Variants in JMJD1C observed in about 807,000 individuals in gnomAD.
The protein encoded by JMJD1C is jumonji domain-containing protein 1C.
Under a neutral mutation model 245.3 loss-of-function variants are expected in JMJD1C, and 31 were observed. The ratio of observed to expected loss-of-function variants is 0.13; its 90% CI spans 0.09 to 0.17. JMJD1C has a LOEUF of 0.17. Among genes scored for constraint, JMJD1C ranks in the 10% least tolerant of loss-of-function variants. The pLI is 1.00. For missense variants in JMJD1C, 2,691 were observed against 3,000.2 expected (o/e 0.90, Z 2.41); for synonymous variants, 1,057 against 1,017.4 (o/e 1.04, Z -0.74).
At chr10:63,222,702 C>T in intron 3 of JMJD1C, 6 of 1,537,874 alleles carry the variant, frequency 3.9e-6, no homozygotes, top group Non-Finnish European at 5.4e-6. Context: ...AAAGAAGCAG[C>T]AGCTGCTTTG....
chr10:63,359,853 C>A (rs1001871405), intron 2 of JMJD1C, among the ~76,000 whole-genome samples: 1 of 151,858 alleles, frequency 6.6e-6, no homozygotes, highest in South Asian at 2.1e-4. Flanking sequence ...CATATGGTAA[C>A]CCGGTACTTT....
intron 2 of JMJD1C, among the ~76,000 whole-genome samples, chr10:63,318,805 T>A (rs967144024): frequency 6.6e-6 from 1 of 152,196 alleles, no homozygotes; most frequent in Non-Finnish European, 1.5e-5. Context: ...TTTCATCATC[T>A]TCACTTCATT....
At chr10:63,412,062 A>G (rs1444293403) in intron 1 of JMJD1C, among the ~76,000 whole-genome samples, 4 of 151,874 alleles carry the variant, frequency 2.6e-5, no homozygotes, top group Admixed American at 6.6e-5. Context: ...TGCCCAGCCA[A>G]AAATGTGTTT....
chr10:63,519,579 A>AT (rs1955140584), intron 1 of JMJD1C, among the ~76,000 whole-genome samples: 1 of 152,254 alleles, frequency 6.6e-6, no homozygotes, highest in Non-Finnish European at 1.5e-5. Context: ...AATGACACAG[A>AT]TAAGAAATAG....
chr10:63,307,983 C>G (rs1392042552), intron 2 of JMJD1C, among the ~76,000 whole-genome samples: 1 of 151,778 alleles, frequency 6.6e-6, no homozygotes, highest in East Asian at 1.9e-4. Context: ...AAACCTGTCA[C>G]TAATAAAAAT....
At chr10:63,520,658 T>C (rs1428827807) in intron 1 of JMJD1C, among the ~76,000 whole-genome samples, 4 of 152,318 alleles carry the variant, frequency 2.6e-5, no homozygotes, top group East Asian at 3.9e-4. Context: ...TCAGGAATCC[T>C]AGACCCAGCC....
At position 63,193,453 on chromosome 10, in the gene JMJD1C, A is replaced by C; in HGVS notation, c.5754T>G (p.Asp1918Glu). The change falls in exon 15 of 26, where the codon GAT becomes GAG. Residue 1918 changes from aspartate (D) to glutamate (E), a missense_variant. Physicochemically the swap from Asp to Glu is conservative, Grantham distance 45 (BLOSUM62 2). This residue lies in a region of JMJD1C where 139 missense variants were observed against 270.5 expected (regional missense o/e 0.51). Coordinates refer to ENST00000399262, the MANE Select transcript of JMJD1C (RefSeq NM_032776.3). ...IPGSVLTDLL[D>E]AMHTLREKYG... ...ATTTTTCCCTAAGAGTGTGCATGGC[A>C]TCTAGAAGATCTGTCAAAACTACAA... The C allele has an allele frequency of 6.3e-7, 1 of 1,589,098 alleles. No individual in the cohort carries two copies. Among genetic ancestry groups the C allele is most frequent in the Non-Finnish European group, 8.6e-7 (1 of 1,165,258 alleles).
At chr10:63,427,264 C>A (rs1950497145) in intron 1 of JMJD1C, 2 of 199,140 alleles carry the variant, frequency 1.0e-5, no homozygotes, top group Non-Finnish European at 1.0e-5. Flanking sequence ...ACACCTGGTC[C>A]CAGGAACTCT....
rs78694193 is a variant in JMJD1C, at chr10:63,338,961, A to G, written c.333+41357T>C. On this transcript the variant is annotated intron_variant, in intron 2 of 25. Transcript: ENST00000399262. ...GCCACTGCACCCAGCCTTTAGTTTAATTCTTCATCTTGTGTAGTATGAAAG... is the reference window on the plus strand; with the variant it reads ...GCCACTGCACCCAGCCTTTAGTTTAGTTCTTCATCTTGTGTAGTATGAAAG... 3.5e-3 allele frequency among the ~76,000 whole-genome samples: 530 copies of G among 152,278 alleles called. 4 individuals carry two copies. Among genetic ancestry groups the G allele is most frequent in the Non-Finnish European group, 6.4e-3 (437 of 68,016 alleles).
chr10:63,183,463 G>A lies in JMJD1C; in HGVS notation c.7068C>T (p.Gly2356=). The A allele has an allele frequency of 6.2e-7, 1 of 1,603,596 alleles. No individual in the cohort carries two copies. Among genetic ancestry groups the A allele is most frequent in the Non-Finnish European group, 8.5e-7 (1 of 1,176,380 alleles). ...TAAGTTTACCTGCTTTTGAGAGAAT[G>A]CCATTTCCTTTTGCTATGCCAACAT... ...LVYVGIAKGN[G]ILSKAGILKK... is the part of the protein sequence containing the mutation. Residue 2356 remains glycine (G), a synonymous_variant, in exon 22 of 26, where the codon GGC becomes GGT. Coordinates refer to ENST00000399262, the MANE Select transcript of JMJD1C (RefSeq NM_032776.3).
At chr10:63,317,004 C>T (rs1358773790) in intron 2 of JMJD1C, among the ~76,000 whole-genome samples, 2 of 151,872 alleles carry the variant, frequency 1.3e-5, no homozygotes, top group Non-Finnish European at 2.9e-5. Flanking sequence ...GGATTACAGG[C>T]GCATGCCACT....
intron 1 of JMJD1C, among the ~76,000 whole-genome samples, chr10:63,390,911 A>AC (rs1947999965): frequency 6.6e-6 from 1 of 152,048 alleles, no homozygotes; most frequent in Admixed American, 6.5e-5. Flanking sequence ...AAAACTGACA[A>AC]CCTTCCCTTT....
intron 2 of JMJD1C, among the ~76,000 whole-genome samples, chr10:63,335,796 C>T (rs1329252129): frequency 1.3e-5 from 2 of 151,948 alleles, no homozygotes; most frequent in Non-Finnish European, 2.9e-5. Context: ...CAGGCATGAA[C>T]CACGGCGCCT....
chr10:63,398,154 GTTGT>G (rs748239295), intron 1 of JMJD1C, among the ~76,000 whole-genome samples: 2 of 152,036 alleles, frequency 1.3e-5, no homozygotes, highest in Non-Finnish European at 1.5e-5. Context: ...CCCAGGTTGG[GTTGT>G]TTGTTTTTCT....
chr10:63,402,449 T>C (rs916778469), intron 1 of JMJD1C, among the ~76,000 whole-genome samples: 3 of 151,356 alleles, frequency 2.0e-5, no homozygotes, highest in Non-Finnish European at 4.5e-5. Flanking sequence ...CCTGATGATA[T>C]GTAACACTCA....
At chr10:63,253,452 C>T (rs961617812) in intron 3 of JMJD1C, among the ~76,000 whole-genome samples, 14 of 151,704 alleles carry the variant, frequency 9.2e-5, no homozygotes, top group Admixed American at 2.0e-4. Flanking sequence ...GGCACGATCT[C>T]GGCTCACTGC....
chr10:63,369,915 C>T (rs117540785), intron 2 of JMJD1C, among the ~76,000 whole-genome samples: 3 of 152,204 alleles, frequency 2.0e-5, no homozygotes, highest in East Asian at 1.9e-4. Context: ...TGGGGGCTTT[C>T]GACATTCCAG....
intron 2 of JMJD1C, among the ~76,000 whole-genome samples, chr10:63,366,710 A>G (rs1945870099): frequency 6.6e-6 from 1 of 152,240 alleles, no homozygotes; most frequent in African/African-American, 2.4e-5. Flanking sequence ...GAATTTACAA[A>G]TAATAGCTCC....
At chr10:63,438,313 G>A (rs1340819719) in intron 1 of JMJD1C, among the ~76,000 whole-genome samples, 2 of 152,078 alleles carry the variant, frequency 1.3e-5, no homozygotes, top group Admixed American at 6.6e-5. Flanking sequence ...ATGCAATTCA[G>A]CAACCCACTC....
Sources: gnomAD v4.1 joint callset for allele counts (sites outside exome capture counted in the v4.1 genomes callset) on GRCh38, gnomAD v4.1.1 for gene constraint, gnomAD v4.1.1 regional missense constraint, MANE v1.5 for transcripts, NCBI Gene and HGNC (gene_info 2026-07-23, HGNC 2026-07-21) for gene names.